The following CEP41 variants were observed in gnomAD, a reference collection of about 807,000 sequenced individuals.
CEP41 encodes the protein centrosomal protein 41, also known as centrosomal protein of 41 kDa.
Under a neutral mutation model 44.3 loss-of-function variants are expected in CEP41, and 32 were observed. The ratio of observed to expected loss-of-function variants is 0.72; its 90% CI spans 0.54 to 0.97. The LOEUF (loss-of-function observed/expected upper bound fraction) is 0.97, where lower values mean the gene tolerates loss of function less well. Ranked by LOEUF, CEP41 falls within the 50% of genes least tolerant of loss-of-function variation. CEP41 has a pLI of 0.00. For synonymous variants in CEP41, 151 were observed against 168.5 expected, an observed-to-expected ratio of 0.90 and a Z score of 0.80; for missense variants, 432 against 455.2, an observed-to-expected ratio of 0.95 and a Z score of 0.46.
At chr7:130,404,796 G>T in intron 5 of CEP41, 88 bp from the exon 6 acceptor site, 1 of 1,073,740 alleles carries the variant, frequency 9.3e-7, no homozygotes, top group South Asian at 1.3e-5. Flanking sequence ...TCAAGAAAAG[G>T]AAATCTTATC....
chr7:130,440,465 G>T (rs1210309005), intron 1 of CEP41: 1 of 237,966 alleles, frequency 4.2e-6, no homozygotes, highest in African/African-American at 2.3e-5. Flanking sequence ...GAAACTGAAG[G>T]GTCCTATGGA....
intron 1 of CEP41, among the ~76,000 whole-genome samples, chr7:130,431,072 TTCCCATTG>T (rs1418065173): frequency 6.6e-6 from 1 of 152,206 alleles, no homozygotes; most frequent in Non-Finnish European, 1.5e-5. Context: ...CTTTTCTGTG[TTCCCATTG>T]CAGTCCAATT....
intron 1 of CEP41, among the ~76,000 whole-genome samples, chr7:130,438,550 C>T (rs1303442619): frequency 6.6e-6 from 1 of 152,042 alleles, no homozygotes; most frequent in African/African-American, 2.4e-5. Context: ...CAGAGTGAGA[C>T]TCTGTCTCAA....
intron 10 of CEP41, chr7:130,399,743 C>T (rs553644399): frequency 8.7e-5 from 29 of 332,652 alleles, no homozygotes; most frequent in African/African-American, 5.4e-4. Context: ...TCGCTTGAAC[C>T]GGGGAGACGG....
chr7:130,419,297 C>T (rs1554421584), intron 2 of CEP41: 1 of 985,264 alleles, frequency 1.0e-6, no homozygotes, highest in Non-Finnish European at 1.2e-6. Context: ...AGGATTTCTT[C>T]CTTGCTTTAA....
rs782733242 is a variant in CEP41, at chr7:130,427,990, G to C, written c.62C>G (p.Pro21Arg). The change falls in exon 2 of 11, where the codon CCA becomes CGA. Residue 21 changes from proline to arginine, a missense_variant. Physicochemically the swap from Pro to Arg is moderately radical, Grantham distance 103. Transcript: ENST00000223208. ...EYLMKRIPQN[P>R]RYQHIKSRLD... Reference sequence around the variant, plus strand: ...TCTTGATTTGATATGCTGGTATCTTGGGTTCTGTGGTATCCTTTTCATCAG... The same window carrying C: ...TCTTGATTTGATATGCTGGTATCTTCGGTTCTGTGGTATCCTTTTCATCAG... 2.5e-6 allele frequency: 4 copies of C among 1,606,442 alleles called. No individual in the cohort carries two copies. Among genetic ancestry groups the C allele is most frequent in the Non-Finnish European group, 3.4e-6 (4 of 1,173,416 alleles).
At chr7:130,424,594 A>G (rs1797604787) in intron 2 of CEP41, among the ~76,000 whole-genome samples, 1 of 152,130 alleles carries the variant, frequency 6.6e-6, no homozygotes, top group African/African-American at 2.4e-5. Context: ...AAGGGTGAAC[A>G]CGTAATTAAA....
Position 130,394,682 on chromosome 7 carries a change from G to A in CEP41, c.*4209C>T, listed in dbSNP as rs74951811. On this transcript the variant is annotated 3_prime_UTR_variant, in exon 11 of 11. Transcript: ENST00000223208. The stretch of plus-strand genomic sequence containing the variant: ...AGATAACGAGCTTTCTGGGTCTCCA[G>A]AATGACAGACTAGCACTGAGTGGCC... 1,075 of 454,118 alleles carry A rather than the reference G, an allele frequency of 2.4e-3. 10 individuals are homozygous for A. The highest frequency in any genetic ancestry group is 0.02 in the African/African-American group (1,004 of 50,134). The allele number at this position is 454,118 out of a possible 1,614,324, so 28.1% of individuals were successfully genotyped here.
At chr7:130,433,066 A>G (rs1315601428) in intron 1 of CEP41, among the ~76,000 whole-genome samples, 3 of 152,200 alleles carry the variant, frequency 2.0e-5, no homozygotes, top group African/African-American at 4.8e-5. Context: ...AAGTCAGAGA[A>G]CAAGAGGTCA....
intron 5 of CEP41, 149 bp from the exon 6 acceptor site, chr7:130,404,857 A>C (rs1584873802): frequency 2.8e-6 from 2 of 709,484 alleles, no homozygotes; most frequent in East Asian, 2.7e-5. Flanking sequence ...CCCAAAGTGT[A>C]GTGGACCCCA....
intron 3 of CEP41, among the ~76,000 whole-genome samples, chr7:130,415,496 A>G (rs573759800): frequency 9.9e-4 from 151 of 152,338 alleles, no homozygotes; most frequent in African/African-American, 3.5e-3. Flanking sequence ...CTACAGAGGG[A>G]AAGTGAAGCA....
Position 130,394,968 on chromosome 7 carries a change from T to G in CEP41, c.*3923A>C. On this transcript the variant is annotated 3_prime_UTR_variant, in exon 11 of 11. Transcript: ENST00000223208. ...TGTTACACAGGTGAGAATTTGCTTC[T>G]GTACAGAACAAAGAGGATCAGCAAC... is the stretch of plus-strand genomic sequence containing the variant. 2.2e-6 allele frequency: 1 copy of G among 454,100 alleles called. No individual in the cohort carries two copies. The highest frequency in any genetic ancestry group is 4.4e-6 in the Non-Finnish European group (1 of 226,780). 28.1% of individuals were successfully genotyped at this position (454,100 alleles called of 1,614,324 possible).
At chr7:130,420,654 C>T (rs1467152237) in intron 2 of CEP41, 2 of 153,128 alleles carry the variant, frequency 1.3e-5, no homozygotes, top group African/African-American at 4.8e-5. Flanking sequence ...CACCTGTAGT[C>T]CCAGCTACTC....
intron 3 of CEP41, among the ~76,000 whole-genome samples, chr7:130,412,952 C>T (rs1356547922): frequency 6.6e-6 from 1 of 152,200 alleles, no homozygotes; most frequent in Non-Finnish European, 1.5e-5. Context: ...ACTTAAAAAC[C>T]ATTACGATGG....
In CEP41 at chr7:130,417,289, T is replaced by C. The variant is rs376565362; in HGVS notation, c.98-323A>G. Reference sequence around the variant, plus strand: ...AGTCTAGGCTTTCCTCCTCCTTTTATCTCCCCTGCCCCCGCTGACGATCTT... The same window carrying C: ...AGTCTAGGCTTTCCTCCTCCTTTTACCTCCCCTGCCCCCGCTGACGATCTT... On this transcript the variant is annotated intron_variant, in intron 2 of 10. Coordinates refer to ENST00000223208, the MANE Select transcript of CEP41 (RefSeq NM_018718.3). 10 of 1,149,520 alleles carry C rather than the reference T, an allele frequency of 8.7e-6. No individual in the cohort carries two copies. In the Admixed American group the frequency reaches 3.4e-4, roughly 39 times the overall value. The allele number at this position is 1,149,520 out of a possible 1,614,324, so 71.2% of individuals were successfully genotyped here.
rs900965358 is a variant in CEP41, at chr7:130,421,671, C to T, written c.98-4705G>A. On this transcript the variant is annotated intron_variant, in intron 2 of 10. Transcript: ENST00000223208. Reference sequence around the variant, plus strand: ...AAAGGAAGGTGAATTTTTAAAAAGACAAAAATAAGGCTAGAAAAGACTGAG... The same window carrying T: ...AAAGGAAGGTGAATTTTTAAAAAGATAAAAATAAGGCTAGAAAAGACTGAG... The T allele has an allele frequency of 7.3e-6, 8 of 1,089,948 alleles. No individual in the cohort carries two copies. In the African/African-American group the frequency reaches 1.2e-4, roughly 16 times the overall value. The allele number at this position is 1,089,948 out of a possible 1,614,324, so 67.5% of individuals were successfully genotyped here.
intron 2 of CEP41, chr7:130,419,060 T>C (rs1439342053): frequency 4.1e-6 from 4 of 985,430 alleles, no homozygotes; most frequent in Non-Finnish European, 3.6e-6. Flanking sequence ...TCAGGGTAAT[T>C]ACACTTAACA....
chr7:130,419,743 C>T, intron 2 of CEP41: 2 of 985,360 alleles, frequency 2.0e-6, no homozygotes, highest in Non-Finnish European at 2.4e-6. Flanking sequence ...CTTAATGTTG[C>T]CTTAATTACT....
At chr7:130,432,618 C>A (rs1474234259) in intron 1 of CEP41, among the ~76,000 whole-genome samples, 1 of 132,026 alleles carries the variant, frequency 7.6e-6, no homozygotes, top group African/African-American at 2.8e-5. Context: ...AAAAAATTAG[C>A]TGGGCATGGT....
Sources: gnomAD v4.1 joint callset for allele counts (sites outside exome capture counted in the v4.1 genomes callset) on GRCh38, gnomAD v4.1.1 for gene constraint, MANE v1.5 for transcripts, NCBI Gene and HGNC (gene_info 2026-07-23, HGNC 2026-07-21) for gene names.